Variants in GPR176 observed in about 807,000 individuals in gnomAD.
The protein encoded by GPR176 is G-protein coupled receptor 176.
Under a neutral mutation model 35.4 loss-of-function variants are expected in GPR176, and 26 were observed. The ratio of observed to expected loss-of-function variants is 0.74; its 90% confidence interval spans 0.54 to 1.02. The LOEUF (loss-of-function observed/expected upper bound fraction) is 1.02. Among genes scored for constraint, GPR176 ranks in the 50% least tolerant of loss-of-function variants. The pLI, the probability that GPR176 is intolerant of heterozygous loss-of-function variation, is 0.00. For missense variants in GPR176, 597 were observed against 665.3 expected, an observed-to-expected ratio of 0.90 and a Z score of 1.13; for synonymous variants, 278 against 271.3, an observed-to-expected ratio of 1.02 and a Z score of -0.24.
intron 2 of GPR176, among the ~76,000 whole-genome samples, chr15:39,805,960 T>C (rs1470804087): frequency 6.6e-6 from 1 of 152,200 alleles, no homozygotes; most frequent in East Asian, 1.9e-4. Flanking sequence ...ACAATGGCAA[T>C]GACTTCTCCC....
intron 1 of GPR176, among the ~76,000 whole-genome samples, chr15:39,846,453 T>A (rs1345245537): frequency 1.3e-5 from 2 of 152,176 alleles, no homozygotes; most frequent in Non-Finnish European, 2.9e-5. Context: ...AGAGGCCAGA[T>A]GGGGAACCTG....
chr15:39,915,920 C>T (rs1295376225), intron 1 of GPR176, among the ~76,000 whole-genome samples: 4 of 152,162 alleles, frequency 2.6e-5, no homozygotes, highest in African/African-American at 9.6e-5. Flanking sequence ...ATGTAGGATA[C>T]ATACTTGTGG....
At chr15:39,878,993 T>C (rs578081829) in intron 1 of GPR176, among the ~76,000 whole-genome samples, 1 of 152,338 alleles carries the variant, frequency 6.6e-6, no homozygotes, top group East Asian at 1.9e-4. Flanking sequence ...TGTATGTATA[T>C]GTGGCTAGGC....
chr15:39,833,981 C>G (rs1182550942), intron 1 of GPR176, among the ~76,000 whole-genome samples: 2 of 152,210 alleles, frequency 1.3e-5, no homozygotes, highest in Non-Finnish European at 2.9e-5. Context: ...ATGAAGTGTT[C>G]TGCTTTGATG....
intron 1 of GPR176, among the ~76,000 whole-genome samples, chr15:39,883,748 G>A (rs1412362791): frequency 1.3e-5 from 2 of 152,030 alleles, no homozygotes; most frequent in African/African-American, 4.8e-5. Flanking sequence ...GTCCTGGAAC[G>A]TTCACCATGT....
At chr15:39,865,605 T>C (rs892255687) in intron 1 of GPR176, among the ~76,000 whole-genome samples, 3 of 152,118 alleles carry the variant, frequency 2.0e-5, no homozygotes, top group Non-Finnish European at 4.4e-5. Context: ...GGGTACAATG[T>C]ACATTATTTG....
At chr15:39,825,196 T>C (rs1269094236) in intron 1 of GPR176, among the ~76,000 whole-genome samples, 2 of 152,110 alleles carry the variant, frequency 1.3e-5, no homozygotes, top group Non-Finnish European at 1.5e-5. Context: ...AGTAAGAGTC[T>C]GTTTCAAAAA....
At chr15:39,804,770 G>C (rs1899089984) in intron 2 of GPR176, among the ~76,000 whole-genome samples, 1 of 152,138 alleles carries the variant, frequency 6.6e-6, no homozygotes. Flanking sequence ...CATGAAAAAT[G>C]AATGAAGTAC....
At chr15:39,841,750 G>C (rs890558365) in intron 1 of GPR176, among the ~76,000 whole-genome samples, 5 of 152,142 alleles carry the variant, frequency 3.3e-5, no homozygotes, top group African/African-American at 1.2e-4. Context: ...ATGGTACTTT[G>C]ATACAGCAGC....
chr15:39,824,221 G>A (rs1319425148), intron 1 of GPR176, among the ~76,000 whole-genome samples: 3 of 152,222 alleles, frequency 2.0e-5, no homozygotes, highest in African/African-American at 7.2e-5. Context: ...GAGGCCAGAA[G>A]CAGATGCTGG....
Position 39,848,802 on chromosome 15 carries a change from G to C in GPR176, c.173-41544C>G, listed in dbSNP as rs1033503403. On this transcript the variant is annotated intron_variant, in intron 1 of 2. Transcript: ENST00000561100. ...TATGTACAACCTATCAAAATTTGTG[G>C]GACATAGCTAAAGCAGTGCTGAGAG... Among the ~76,000 whole-genome samples the C allele has an allele frequency of 2.6e-5, 4 of 151,386 alleles. No homozygotes were observed. The South Asian group carries it at 8.3e-4, about 32-fold the overall frequency.
intron 1 of GPR176, among the ~76,000 whole-genome samples, chr15:39,900,006 C>T (rs74008995): frequency 2.0e-5 from 3 of 151,780 alleles, no homozygotes; most frequent in African/African-American, 7.3e-5. Flanking sequence ...ACAAAAGATA[C>T]AAAGGTAGTA....
At chr15:39,859,713 A>C (rs2031472750) in intron 1 of GPR176, among the ~76,000 whole-genome samples, 1 of 152,202 alleles carries the variant, frequency 6.6e-6, no homozygotes, top group Admixed American at 6.5e-5. Flanking sequence ...CCAGTCACAC[A>C]AAGGCAAATA....
chr15:39,812,166 G>T (rs1238941625), intron 1 of GPR176, among the ~76,000 whole-genome samples: 3 of 152,102 alleles, frequency 2.0e-5, no homozygotes, highest in Non-Finnish European at 4.4e-5. Context: ...TATTGTAATG[G>T]TTAATACTAA....
intron 1 of GPR176, among the ~76,000 whole-genome samples, chr15:39,826,143 G>A (rs1295997674): frequency 6.6e-6 from 1 of 152,084 alleles, no homozygotes; most frequent in African/African-American, 2.4e-5. Context: ...CCAGGAGAGG[G>A]AAACAAAAGC....
rs1241468324 is a variant in GPR176 at position 39,800,665 on chromosome 15, T to C, written c.*467A>G. The stretch of plus-strand genomic sequence containing the variant: ...TCCCTACCTTCTCAACAGAAAATGT[T>C]TGACATGTTTAAGTTCATCAAACAG... On this transcript the variant is annotated 3_prime_UTR_variant, in exon 3 of 3. Transcript: ENST00000561100. 2 of 159,344 alleles carry C rather than the reference T, an allele frequency of 1.3e-5. No homozygotes were observed. The highest frequency in any genetic ancestry group is 4.8e-5 in the African/African-American group (2 of 41,488). The allele number at this position is 159,344 out of a possible 1,614,324, so 9.9% of individuals were successfully genotyped here.
intron 1 of GPR176, 80 bp from the exon 2 acceptor site, chr15:39,807,338 A>T: frequency 1.0e-6 from 1 of 988,754 alleles, no homozygotes; most frequent in Non-Finnish European, 1.4e-6. Context: ...CAGGTTAAAA[A>T]ATGTAAAAAA....
At chr15:39,831,666 T>C (rs1901084796) in intron 1 of GPR176, among the ~76,000 whole-genome samples, 1 of 152,124 alleles carries the variant, frequency 6.6e-6, no homozygotes, top group Non-Finnish European at 1.5e-5. Context: ...CCTAAAATCC[T>C]TCAATCTGTA....
At chr15:39,914,047 A>G (rs2033657955) in intron 1 of GPR176, among the ~76,000 whole-genome samples, 1 of 152,200 alleles carries the variant, frequency 6.6e-6, no homozygotes, top group African/African-American at 2.4e-5. Context: ...CTCAGTCTCA[A>G]AAAACAAACA....
Sources: allele counts gnomAD v4.1 joint callset (sites outside exome capture counted in the v4.1 genomes callset), GRCh38; gene constraint gnomAD v4.1.1; transcripts MANE v1.5; gene names NCBI Gene and HGNC (gene_info 2026-07-23, HGNC 2026-07-21).